The following TC2N variants were observed in gnomAD, a reference collection of about 807,000 sequenced individuals.
TC2N encodes tandem C2 domains, nuclear.
Under a neutral mutation model 61.9 loss-of-function variants are expected in TC2N, and 51 were observed. The ratio of observed to expected loss-of-function variants is 0.82; its 90% CI spans 0.66 to 1.04. TC2N has a LOEUF of 1.04. Ranked by LOEUF, TC2N falls within the 50% of genes least tolerant of loss-of-function variation. The pLI, the probability that TC2N is intolerant of heterozygous loss-of-function variation, is 0.00. For synonymous variants in TC2N, 204 were observed against 192.6 expected (o/e 1.06, Z -0.49); for missense variants, 556 against 566.7 (o/e 0.98, Z 0.19).
intron 3 of TC2N, 48 bp downstream of exon 3, chr14:91,812,264 C>G: frequency 9.5e-7 from 1 of 1,048,730 alleles, no homozygotes; most frequent in South Asian, 2.3e-5. Context: ...AATAATAGCA[C>G]TTAAATGCTA....
chr14:91,801,080 GTATA>G (rs59418798), intron 4 of TC2N, among the ~76,000 whole-genome samples: 3 of 111,422 alleles, frequency 2.7e-5, no homozygotes, highest in Non-Finnish European at 5.7e-5. Context: ...ATGTGTGTGT[GTATA>G]TATATATATA....
rs184120823 is a variant in TC2N at position 91,825,572 on chromosome 14, A to T, written c.-56-11747T>A. Among the ~76,000 whole-genome samples the T allele has an allele frequency of 3.9e-5, 6 of 152,276 alleles. No homozygotes were observed. The East Asian group carries it at 1.2e-3, about 29-fold the overall frequency. ...GTGACCCTTCTCTTGCTCATCTTCCACTACTTCCTTCTGCAAATACCAAGC... is the reference window on the plus strand; with the variant it reads ...GTGACCCTTCTCTTGCTCATCTTCCTCTACTTCCTTCTGCAAATACCAAGC... On this transcript the variant is annotated intron_variant, in intron 1 of 11. Transcript: ENST00000435962.
chr14:91,834,058 C>T (rs1314981881), intron 1 of TC2N, among the ~76,000 whole-genome samples: 1 of 152,172 alleles, frequency 6.6e-6, no homozygotes, highest in African/African-American at 2.4e-5. Context: ...CTCACAGATT[C>T]TGCTTTAGTC....
chr14:91,786,148 A>C (rs1195860680), intron 10 of TC2N, among the ~76,000 whole-genome samples: 1 of 152,192 alleles, frequency 6.6e-6, no homozygotes, highest in Non-Finnish European at 1.5e-5. Flanking sequence ...TCAGATTGAT[A>C]GAATGAAGAG....
In TC2N at chr14:91,802,331, T is replaced by C. The variant is rs138457902; in HGVS notation, c.392A>G (p.Tyr131Cys). 1.8e-5 allele frequency: 29 copies of C among 1,610,656 alleles called. No homozygotes were observed. The highest frequency in any genetic ancestry group is 1.6e-4 in the South Asian group (14 of 90,112). ...ATCAGGTGAAATGTGCTGATACATA[T>C]AGAATGGGTTATACACATCATAGCT... ...GPSYDVYNPF[Y>C]MYQHISPDLS... The change falls in exon 4 of 12, where the codon TAT becomes TGT. Residue 131 changes from tyrosine to cysteine, a missense_variant. Tyr to Cys is a radical substitution (Grantham distance 194, BLOSUM62 -2). Transcript: ENST00000435962.
At chr14:91,790,660 C>A (rs907824977) in intron 9 of TC2N, among the ~76,000 whole-genome samples, 1 of 152,148 alleles carries the variant, frequency 6.6e-6, no homozygotes, top group Non-Finnish European at 1.5e-5. Flanking sequence ...TCCCTGAGTT[C>A]TCTTCTTATA....
At chr14:91,803,434 T>TAC (rs1416328695) in intron 3 of TC2N, among the ~76,000 whole-genome samples, 1 of 148,288 alleles carries the variant, frequency 6.7e-6, no homozygotes, top group East Asian at 1.9e-4. Context: ...CACACATATA[T>TAC]ATATATAATT....
In TC2N at chr14:91,785,235, C is replaced by A. The variant is rs141598484; in HGVS notation, c.1289G>T (p.Ser430Ile). The change falls in exon 11 of 12, where the codon AGT (serine) becomes ATT (isoleucine). Residue 430 changes from serine (S) to isoleucine (I), a missense_variant. Ser to Ile is a moderately radical substitution (Grantham distance 142, BLOSUM62 -2). Transcript: ENST00000435962. ...AATGAGAAAAACAATTTCTTTTTCA[C>A]TCTGTATAAGTGGAAAAATCATAGT... is the stretch of plus-strand genomic sequence containing the variant. ...GETMIFPLIQ[S>I]EKEIVFLIKL... is the part of the protein sequence containing the mutation. 1.2e-6 allele frequency: 2 copies of A among 1,613,368 alleles called. No homozygotes were observed. The highest frequency in any genetic ancestry group is 1.7e-6 in the Non-Finnish European group (2 of 1,179,568).
chr14:91,819,661 A>G (rs1275897708), intron 1 of TC2N, among the ~76,000 whole-genome samples: 1 of 152,180 alleles, frequency 6.6e-6, no homozygotes, highest in East Asian at 1.9e-4. Flanking sequence ...TATTATTGGG[A>G]TTTCTTTACA....
intron 1 of TC2N, among the ~76,000 whole-genome samples, chr14:91,852,505 A>T (rs1200719264): frequency 6.6e-6 from 1 of 152,320 alleles, no homozygotes; most frequent in East Asian, 1.9e-4. Context: ...CATTTCCTAA[A>T]GCAAAGATTG....
At chr14:91,785,101 T>G in intron 11 of TC2N, 61 bp downstream of exon 11, 1 of 1,176,204 alleles carries the variant, frequency 8.5e-7, no homozygotes, top group East Asian at 2.3e-5. Flanking sequence ...TGTATTCCCT[T>G]TGTTAACTGA....
At position 91,802,350 on chromosome 14, in the gene TC2N, C is replaced by A. The variant is rs909764133; in HGVS notation, c.373G>T (p.Asp125Tyr). The change falls in exon 4 of 12, where the codon GAT becomes TAT. Residue 125 changes from aspartate to tyrosine, a missense_variant. Transcript: ENST00000435962. ...TACATATAGAATGGGTTATACACAT[C>A]ATAGCTAGGTCCGTGCTGGGATGAA... ...SSSSQHGPSY[D>Y]VYNPFYMYQH... 1.2e-6 allele frequency: 2 copies of A among 1,612,698 alleles called. No individual in the cohort carries two copies. The highest frequency in any genetic ancestry group is 1.7e-6 in the Non-Finnish European group (2 of 1,179,556).
intron 1 of TC2N, among the ~76,000 whole-genome samples, chr14:91,821,994 T>C (rs1348865540): frequency 6.6e-6 from 1 of 152,160 alleles, no homozygotes; most frequent in Non-Finnish European, 1.5e-5. Context: ...TTACAAAGAT[T>C]GACCATTCCA....
intron 1 of TC2N, among the ~76,000 whole-genome samples, chr14:91,832,601 A>G (rs1303024123): frequency 6.6e-6 from 1 of 152,160 alleles, no homozygotes; most frequent in Non-Finnish European, 1.5e-5. Flanking sequence ...AGTGTCTTAC[A>G]TGTTGCTGAA....
At chr14:91,808,336 A>G (rs1406616015) in intron 3 of TC2N, among the ~76,000 whole-genome samples, 1 of 152,172 alleles carries the variant, frequency 6.6e-6, no homozygotes, top group Non-Finnish European at 1.5e-5. Context: ...AGTAGGCTAC[A>G]CCATCTAGGT....
At chr14:91,802,788 T>C (rs184113712) in intron 3 of TC2N, among the ~76,000 whole-genome samples, 195 of 152,134 alleles carry the variant, frequency 1.3e-3, no homozygotes, top group African/African-American at 3.6e-3. Flanking sequence ...AGAACATTTA[T>C]TAAAATTGAC....
chr14:91,783,275 T>C (rs1347646869), intron 11 of TC2N, 65 bp from the exon 12 acceptor site: 1 of 849,854 alleles, frequency 1.2e-6, no homozygotes, highest in African/African-American at 1.7e-5. Context: ...TTCAGACAGT[T>C]AGTTACTCTT....
intron 1 of TC2N, among the ~76,000 whole-genome samples, chr14:91,863,720 T>C (rs1348273052): frequency 6.7e-6 from 1 of 148,932 alleles, no homozygotes; most frequent in Non-Finnish European, 1.5e-5. Context: ...GCATGGTGGA[T>C]CACAGCTGCA....
chr14:91,844,977 G>A (rs1888241511), intron 1 of TC2N, among the ~76,000 whole-genome samples: 1 of 152,008 alleles, frequency 6.6e-6, no homozygotes, highest in Non-Finnish European at 1.5e-5. Context: ...GCTCATGCCT[G>A]TAATCCCAGC....
Sources: allele counts gnomAD v4.1 joint callset (sites outside exome capture counted in the v4.1 genomes callset), GRCh38; gene constraint gnomAD v4.1.1; transcripts MANE v1.5; gene names NCBI Gene and HGNC (gene_info 2026-07-23, HGNC 2026-07-21).